OPHN1: variants seen among roughly 807,000 people sequenced by gnomAD.
OPHN1 encodes the protein oligophrenin-1.
A neutral mutation model predicts 60.7 loss-of-function variants in OPHN1; 11 were observed. The observed-to-expected ratio is 0.18, with a 90% CI of 0.11 to 0.30. OPHN1 has a LOEUF of 0.30. OPHN1 is among the 10% of genes least tolerant of loss of function. The pLI is 1.00. For synonymous variants in OPHN1, 226 were observed against 222.6 expected (o/e 1.02, Z -0.14); for missense variants, 449 against 611.0 (o/e 0.73, Z 2.80).
intron 2 of OPHN1, among the ~76,000 whole-genome samples, chrX:68,316,312 C>T (rs2078199058): frequency 1.8e-5 from 2 of 111,994 alleles, no homozygotes; most frequent in Non-Finnish European, 3.8e-5. Flanking sequence ...CATCGGTCTA[C>T]AGGATCTAAT....
intron 19 of OPHN1, among the ~76,000 whole-genome samples, chrX:68,093,126 G>A (rs1240133365): frequency 9.0e-6 from 1 of 110,842 alleles, no homozygotes; most frequent in East Asian, 2.8e-4. Context: ...AAGTTCCTTA[G>A]CTCTCTCATC....
intron 2 of OPHN1, among the ~76,000 whole-genome samples, chrX:68,381,647 T>C: frequency 9.0e-6 from 1 of 111,217 alleles, no homozygotes; most frequent in South Asian, 3.9e-4. Flanking sequence ...CCTTCTCTCA[T>C]CACTCCAACC....
chrX:68,150,360 T>C (rs1225217741), intron 15 of OPHN1, among the ~76,000 whole-genome samples: 1 of 111,863 alleles, frequency 8.9e-6, no homozygotes, highest in Non-Finnish European at 1.9e-5. Context: ...GTAAGAATCA[T>C]TCTGTACAGT....
At chrX:68,149,122 A>G (rs1476981723) in intron 15 of OPHN1, among the ~76,000 whole-genome samples, 1 of 111,409 alleles carries the variant, frequency 9.0e-6, no homozygotes, top group East Asian at 2.8e-4. Flanking sequence ...TAACAAAGCC[A>G]TATCTGAGAT....
At chrX:68,313,210 C>T (rs952904043) in intron 2 of OPHN1, among the ~76,000 whole-genome samples, 3 of 111,950 alleles carry the variant, frequency 2.7e-5, no homozygotes, top group African/African-American at 9.7e-5. Flanking sequence ...AACCCTCGTA[C>T]ACTGTTGGTG....
intron 2 of OPHN1, among the ~76,000 whole-genome samples, chrX:68,411,407 T>C (rs2078768705): frequency 8.9e-6 from 1 of 112,388 alleles, no homozygotes; most frequent in Non-Finnish European, 1.9e-5. Context: ...GTGATCCCTT[T>C]TCTCCACAAC....
chrX:68,353,732 T>C (rs1172311198), intron 2 of OPHN1, among the ~76,000 whole-genome samples: 1 of 112,181 alleles, frequency 8.9e-6, no homozygotes, highest in Non-Finnish European at 1.9e-5. Flanking sequence ...TATTAACTTA[T>C]TTGTAAGATT....
chrX:68,311,713 G>A (rs1253680472), intron 2 of OPHN1, among the ~76,000 whole-genome samples: 3 of 111,954 alleles, frequency 2.7e-5, no homozygotes, highest in Non-Finnish European at 3.8e-5. Flanking sequence ...GATTACAGGC[G>A]TGAGCCACCG....
intron 21 of OPHN1, 33 bp downstream of exon 21, chrX:68,063,821 G>T: frequency 9.0e-7 from 1 of 1,113,444 alleles, no homozygotes; most frequent in Non-Finnish European, 1.2e-6. Context: ...GTTAGGGTCA[G>T]CTCTGGCTCC....
At chrX:68,297,826 T>A (rs891651087) in intron 3 of OPHN1, among the ~76,000 whole-genome samples, 1 of 110,881 alleles carries the variant, frequency 9.0e-6, no homozygotes, top group Admixed American at 9.7e-5. Context: ...ATAAAATATT[T>A]GGTTAGAAAG....
At chrX:68,336,745 G>A (rs1158912512) in intron 2 of OPHN1, among the ~76,000 whole-genome samples, 1 of 109,272 alleles carries the variant, frequency 9.2e-6, no homozygotes, top group Non-Finnish European at 1.9e-5. Flanking sequence ...TATGATCACA[G>A]AAGTGGATTA....
intron 2 of OPHN1, among the ~76,000 whole-genome samples, chrX:68,305,098 G>A (rs182226203): frequency 1.8e-5 from 2 of 111,414 alleles, no homozygotes; most frequent in East Asian, 2.8e-4. Flanking sequence ...ATCAAGACAC[G>A]CCAGGCTTGG....
intron 19 of OPHN1, among the ~76,000 whole-genome samples, chrX:68,092,727 T>C (rs989165517): frequency 2.7e-5 from 3 of 111,773 alleles, no homozygotes; most frequent in African/African-American, 9.7e-5. Context: ...GCTTTGGACA[T>C]AGCAAAATCA....
intron 5 of OPHN1, among the ~76,000 whole-genome samples, chrX:68,256,322 A>G (rs747752124): frequency 1.8e-5 from 2 of 111,800 alleles, no homozygotes; most frequent in African/African-American, 3.3e-5. Context: ...TCCTGCCAGC[A>G]TTCACTCATG....
chrX:68,133,593 G>T (rs1171466697), intron 15 of OPHN1, among the ~76,000 whole-genome samples: 1 of 111,762 alleles, frequency 8.9e-6, no homozygotes, highest in African/African-American at 3.3e-5. Context: ...CAACTTGAAA[G>T]ACCTTAAAAC....
intron 15 of OPHN1, among the ~76,000 whole-genome samples, chrX:68,134,224 T>C (rs1328490698): frequency 9.0e-6 from 1 of 111,409 alleles, no homozygotes; most frequent in Non-Finnish European, 1.9e-5. Flanking sequence ...AAATTGCTTG[T>C]TCTACAGAAG....
intron 10 of OPHN1, among the ~76,000 whole-genome samples, chrX:68,205,317 G>A (rs1274060021): frequency 9.0e-6 from 1 of 110,889 alleles, no homozygotes; most frequent in African/African-American, 3.3e-5. Context: ...GTGTGGTGGT[G>A]CACACCTGTA....
chrX:68,387,781 G>A (rs1304344000), intron 2 of OPHN1, among the ~76,000 whole-genome samples: 1 of 111,759 alleles, frequency 8.9e-6, no homozygotes, highest in African/African-American at 3.2e-5. Context: ...CATAGGAGGA[G>A]CAGAAACATT....
intron 2 of OPHN1, among the ~76,000 whole-genome samples, chrX:68,363,111 G>A (rs1483802062): frequency 9.2e-6 from 1 of 108,875 alleles, no homozygotes; most frequent in African/African-American, 3.3e-5. Context: ...AGCCAGGCAC[G>A]GTGGCGCGTG....
Sources: allele counts gnomAD v4.1 joint callset (sites outside exome capture counted in the v4.1 genomes callset), GRCh38; gene constraint gnomAD v4.1.1; transcripts MANE v1.5; gene names NCBI Gene and HGNC (gene_info 2026-07-23, HGNC 2026-07-21).